FANCA: variants seen among roughly 807,000 people sequenced by gnomAD.
The protein encoded by FANCA is FA complementation group A.
Under a neutral mutation model 194.3 loss-of-function variants are expected in FANCA, and 236 were observed. The ratio of observed to expected loss-of-function variants is 1.21; its 90% CI spans 1.09 to 1.35. The LOEUF (loss-of-function observed/expected upper bound fraction) is 1.35. FANCA is among the 40% of genes most tolerant of loss of function. The pLI is 0.00. For synonymous variants in FANCA, 1,014 were observed against 715.8 expected (o/e 1.42, Z -6.65); for missense variants, 2,628 against 1,813.9 (o/e 1.45, Z -8.15).
At chr16:89,798,676 A>G in intron 10 of FANCA, 1 of 1,273,074 alleles carries the variant, frequency 7.9e-7, no homozygotes, top group Non-Finnish European at 1.0e-6. Context: ...ATCTCCACAG[A>G]GCCATGGAGA....
At position 89,791,299 on chromosome 16, in the gene FANCA, T is replaced by G. The variant is rs17232595; in HGVS notation, c.1359+104A>C. The stretch of plus-strand genomic sequence containing the variant: ...CCACTCGGCAAAGCTGACAGCAAGG[T>G]TGCTCACTCACATGACAGAGAATCA... On this transcript the variant is annotated intron_variant, in intron 14 of 42. Transcript: ENST00000389301. 5,571 of 1,466,620 alleles carry G rather than the reference T, an allele frequency of 3.8e-3. 108 individuals carry two copies. Among genetic ancestry groups the G allele is most frequent in the South Asian group, 0.038 (3,123 of 82,892 alleles). The allele number at this position is 1,466,620 out of a possible 1,614,324, so 90.9% of individuals were successfully genotyped here. A position where few individuals can be genotyped will look rare whatever the true frequency, so the allele number is the denominator to read the frequency against.
intron 23 of FANCA, 84 bp downstream of exon 23, chr16:89,771,594 G>A (rs1275993219): frequency 6.7e-7 from 1 of 1,502,608 alleles, no homozygotes; most frequent in East Asian, 2.3e-5. Flanking sequence ...AACAGAAATT[G>A]AGAGAAGGCT....
At chr16:89,741,512 C>G (rs2062133251) in intron 37 of FANCA, among the ~76,000 whole-genome samples, 1 of 152,184 alleles carries the variant, frequency 6.6e-6, no homozygotes, top group African/African-American at 2.4e-5. Flanking sequence ...CTCCAGCTCT[C>G]TTGTGGGATG....
chr16:89,752,178 C>G lies in FANCA; in HGVS notation c.3026G>C (p.Gly1009Ala), dbSNP rs202073350. 1.2e-5 allele frequency: 19 copies of G among 1,614,048 alleles called. No homozygotes were observed. The highest frequency in any genetic ancestry group is 1.7e-5 in the Admixed American group (1 of 59,996). The change falls in exon 31 of 43, where the codon GGT (glycine) becomes GCT (alanine). Residue 1009 changes from glycine to alanine, a missense_variant. Gly to Ala is a moderately conservative substitution (Grantham distance 60). Transcript: ENST00000389301. ...AATATCCTCATTTCCTGTGCGGCCA[C>G]CAAAGACCAAATCAGAATTTTCTGA... is the stretch of plus-strand genomic sequence containing the variant. ...DHSENSDLVF[G>A]GRTGNEDIIS... is the part of the protein sequence containing the mutation.
chr16:89,775,891 T>G (rs150739896), intron 20 of FANCA, 76 bp from the exon 21 acceptor site: 22 of 908,464 alleles, frequency 2.4e-5, no homozygotes, highest in Non-Finnish European at 3.8e-5. Context: ...CCAAATCTAT[T>G]ATAAAATAAA....
At chr16:89,751,590 C>G (rs17233441) in intron 31 of FANCA, among the ~76,000 whole-genome samples, 9,056 of 152,078 alleles carry the variant, frequency 0.06, 416 homozygotes, top group East Asian at 0.22. Context: ...CCAGAGCTGG[C>G]GGAGGGAGAG....
At chr16:89,762,422 C>T (rs537886999) in intron 28 of FANCA, among the ~76,000 whole-genome samples, 19 of 151,872 alleles carry the variant, frequency 1.3e-4, no homozygotes, top group Non-Finnish European at 1.3e-4. Context: ...GGTGACACCC[C>T]GTCTCTACAA....
chr16:89,745,057 G>T lies in FANCA; in HGVS notation c.3528C>A (p.Ser1176Arg). The T allele has an allele frequency of 6.2e-7, 1 of 1,606,508 alleles. No individual in the cohort carries two copies. The change falls in exon 36 of 43, where the codon AGC becomes AGA. Residue 1176 changes from serine (S) to arginine (R), a missense_variant. Coordinates refer to ENST00000389301, the MANE Select transcript of FANCA (RefSeq NM_000135.4). Reference sequence around the variant, plus strand: ...ACCGGCAGAGCAGCACAGGCTCCAGGCTCGGCCACCACACCTATGGAGAGA... The same window carrying T: ...ACCGGCAGAGCAGCACAGGCTCCAGTCTCGGCCACCACACCTATGGAGAGA... ...ILTSALVWWPSLEPVLLCRWR... is the reference protein window; with the variant it reads ...ILTSALVWWPRLEPVLLCRWR...
chr16:89,814,409 G>A lies in FANCA; in HGVS notation c.283+111C>T, dbSNP rs17232134. On this transcript the variant is annotated intron_variant, in intron 3 of 42. Transcript: ENST00000389301. ...AGAATTTGCGACTACACACACCAGT[G>A]GAAACCCATCGCCTGAGAAAATTTA... 1.2e-4 allele frequency: 97 copies of A among 796,312 alleles called. No individual in the cohort carries two copies. In the East Asian group the frequency reaches 2.5e-3, roughly 20 times the overall value. 49.3% of individuals were successfully genotyped at this position (796,312 alleles called of 1,614,324 possible).
chr16:89,809,648 G>C (rs1007283908), intron 5 of FANCA, among the ~76,000 whole-genome samples: 1 of 151,872 alleles, frequency 6.6e-6, no homozygotes, highest in Admixed American at 6.6e-5. Flanking sequence ...TCAGGAGTTT[G>C]AGACCAGCCT....
intron 34 of FANCA, 34 bp downstream of exon 34, chr16:89,746,797 G>A (rs763474969): frequency 2.3e-5 from 37 of 1,575,646 alleles, no homozygotes; most frequent in Non-Finnish European, 3.2e-5. Context: ...GGCGTTCTGA[G>A]AAGGCCACGA....
chr16:89,782,752 C>T (rs2039763380), intron 17 of FANCA, 107 bp downstream of exon 17: 2 of 1,007,680 alleles, frequency 2.0e-6, no homozygotes, highest in Non-Finnish European at 3.1e-6. Context: ...CAAGACCAGA[C>T]ATGAGACTGG....
intron 39 of FANCA, 85 bp from the exon 40 acceptor site, chr16:89,739,638 G>C (rs1045378763): frequency 1.3e-6 from 2 of 1,515,270 alleles, no homozygotes; most frequent in Non-Finnish European, 1.8e-6. Context: ...GTCGGGACGT[G>C]TACCCTGGGA....
intron 1 of FANCA, 141 bp from the exon 2 acceptor site, chr16:89,816,127 G>A (rs1446905147): frequency 5.6e-6 from 4 of 715,030 alleles, no homozygotes; most frequent in Non-Finnish European, 1.0e-5. Context: ...CCAGGGCGCA[G>A]GTCTCGGGAA....
chr16:89,750,474 C>T (rs962966608), intron 31 of FANCA, among the ~76,000 whole-genome samples: 23 of 125,876 alleles, frequency 1.8e-4, no homozygotes, highest in Admixed American at 1.8e-3. Context: ...CAGAGTGAGA[C>T]TCCGTCTCAA....
intron 15 of FANCA, among the ~76,000 whole-genome samples, chr16:89,784,048 C>T (rs1370961512): frequency 1.3e-5 from 2 of 152,096 alleles, no homozygotes; most frequent in Non-Finnish European, 2.9e-5. Context: ...GTGTGAGCCA[C>T]CACGCCCGGC....
chr16:89,778,496 C>T (rs909697644), intron 20 of FANCA: 2 of 340,252 alleles, frequency 5.9e-6, no homozygotes, highest in Admixed American at 4.8e-5. Flanking sequence ...CTTAGCCAGG[C>T]ACAGGCTTGT....
chr16:89,774,750 A>AAAAAAAAAAAAAAAAAC (rs1428635387), intron 21 of FANCA, among the ~76,000 whole-genome samples: 2 of 147,004 alleles, frequency 1.4e-5, no homozygotes, highest in Non-Finnish European at 3.0e-5. Flanking sequence ...AAAAAAAAAA[A>AAAAAAAAAAAAAAAAAC]AAAATCTCAA....
rs150448150 is a variant in FANCA, at chr16:89,808,314, G to A, written c.576C>T (p.Ser192=). 1.3e-5 allele frequency: 21 copies of A among 1,613,888 alleles called. No homozygotes were observed. The highest frequency in any genetic ancestry group is 2.7e-5 in the African/African-American group (2 of 74,864). The change falls in exon 6 of 43, where the codon AGC becomes AGT. Residue 192 remains serine, a synonymous_variant. Coordinates refer to ENST00000389301, the MANE Select transcript of FANCA (RefSeq NM_000135.4). ...VWHLHVQGIV[S]LQELLESHPD... is the part of the protein sequence containing the mutation. Reference sequence around the variant, plus strand: ...GCTACCTTTCCAGCAGCTCTTGCAGGCTCACAATGCCTTGTACGTGAAGAT... The same window carrying A: ...GCTACCTTTCCAGCAGCTCTTGCAGACTCACAATGCCTTGTACGTGAAGAT...
Sources: allele counts gnomAD v4.1 joint callset (sites outside exome capture counted in the v4.1 genomes callset), GRCh38; gene constraint gnomAD v4.1.1; transcripts MANE v1.5; gene names NCBI Gene and HGNC (gene_info 2026-07-23, HGNC 2026-07-21).